The following PET117 variants were observed in gnomAD, a reference collection of about 807,000 sequenced individuals.
The protein encoded by PET117 is PET117 cytochrome c oxidase chaperone, also known as protein PET117 homolog, mitochondrial.
In PET117, 10 loss-of-function variants were observed where a neutral mutation model predicts 9.2. The observed-to-expected ratio is 1.09, with a 90% CI of 0.67 to 1.85. The LOEUF is 1.85. Among genes scored for constraint, PET117 ranks in the 40% most tolerant of loss-of-function variants. The probability of loss-of-function intolerance (pLI) is 0.00; values close to 1 mark genes in which losing one functional copy is unlikely to be tolerated. For synonymous variants in PET117, 43 were observed against 37.1 expected, an observed-to-expected ratio of 1.16 and a Z score of -0.57; for missense variants, 96 against 98.2, an observed-to-expected ratio of 0.98 and a Z score of 0.09.
chr20:18,138,207 C>T (rs1214366333), intron 1 of PET117, 156 bp downstream of exon 1: 8 of 1,265,200 alleles, frequency 6.3e-6, no homozygotes, highest in Middle Eastern at 2.3e-4. Flanking sequence ...CTGCGGCCGG[C>T]GGCCGCTCTG....
At position 18,142,884 on chromosome 20, in the gene PET117, A is replaced by C. The variant is rs1158486164; in HGVS notation, c.*527A>C. 2 of 1,614,178 alleles carry C rather than the reference A, an allele frequency of 1.2e-6. No individual in the cohort carries two copies. The highest frequency in any genetic ancestry group is 3.3e-5 in the Admixed American group (2 of 60,018). On this transcript the variant is annotated 3_prime_UTR_variant, in exon 2 of 2. Transcript: ENST00000432901. ...TCTTGGATGGAGGAGCAGCTGTCCT[A>C]CTTCTGTGACAAGTGCCAAAAATGG...
chr20:18,138,333 C>A, intron 1 of PET117: 1 of 1,124,332 alleles, frequency 8.9e-7, no homozygotes, highest in East Asian at 4.7e-5. Context: ...TTGCTCCGCA[C>A]AGGCACGGCA....
In PET117 at chr20:18,142,588, G is replaced by A. The variant is rs1237796871; in HGVS notation, c.*231G>A. The A allele has an allele frequency of 2.5e-6, 4 of 1,584,270 alleles. No homozygotes were observed. The highest frequency in any genetic ancestry group is 2.7e-5 in the African/African-American group (2 of 74,392). On this transcript the variant is annotated 3_prime_UTR_variant, in exon 2 of 2. Coordinates refer to ENST00000432901, the MANE Select transcript of PET117 (RefSeq NM_001164811.2). ...GTCTGTCTGGGTGATCCTGGTAGAA[G>A]CCCCATTAGGGTCACTGTCCAGTGC...
Position 18,137,880 on chromosome 20 carries a change from G to A in PET117, c.-76G>A. Reference sequence around the variant, plus strand: ...GAGGGGTCGAGCCTGGGCAGTACAGGCGGCGGTGCGCACTCTGCGGCGGCC... The same window carrying A: ...GAGGGGTCGAGCCTGGGCAGTACAGACGGCGGTGCGCACTCTGCGGCGGCC... On this transcript the variant is annotated 5_prime_UTR_variant, in exon 1 of 2. Coordinates refer to ENST00000432901, the MANE Select transcript of PET117 (RefSeq NM_001164811.2). 1 of 1,388,080 alleles carries A rather than the reference G, an allele frequency of 7.2e-7. No homozygotes were observed. The highest frequency in any genetic ancestry group is 3.0e-5 in the East Asian group (1 of 33,382). 86.0% of individuals were successfully genotyped at this position (1,388,080 alleles called of 1,614,324 possible).
At position 18,143,015 on chromosome 20, in the gene PET117, A is replaced by G. The variant is rs952003629; in HGVS notation, c.*658A>G. 7.4e-6 allele frequency: 11 copies of G among 1,482,204 alleles called. No individual in the cohort carries two copies. In the African/African-American group the frequency reaches 1.3e-4, roughly 17 times the overall value. 91.8% of individuals were successfully genotyped at this position (1,482,204 alleles called of 1,614,324 possible). A position where few individuals can be genotyped will look rare whatever the true frequency, so the allele number is the denominator to read the frequency against. ...AAACGTGAATGTAAAAGAGACCTAA[A>G]TAAAAGGATAATTATATTTATTCTC... On this transcript the variant is annotated 3_prime_UTR_variant, in exon 2 of 2. Transcript: ENST00000432901.
At chr20:18,142,114 A>G (rs2037609078) in intron 1 of PET117, 94 bp from the exon 2 acceptor site, 2 of 1,275,390 alleles carry the variant, frequency 1.6e-6, no homozygotes, top group Non-Finnish European at 2.1e-6. Flanking sequence ...AGTTTTAAGT[A>G]TATTTTGGTA....
intron 1 of PET117, 30 bp from the exon 2 acceptor site, chr20:18,142,178 G>A (rs974834930): frequency 1.8e-5 from 28 of 1,531,826 alleles, no homozygotes; most frequent in Non-Finnish European, 1.7e-5. Flanking sequence ...TGTTCGGGAT[G>A]TTACTGAAAT....
In PET117 at chr20:18,140,701, A is replaced by G. The variant is rs1239343267; in HGVS notation, c.97-1507A>G. ...GTGGCGCACGCCTGTAATCTCAGCT[A>G]CTGGGGAGGCTGAGGCACAAGAATC... On this transcript the variant is annotated intron_variant, in intron 1 of 1. Transcript: ENST00000432901. 2.6e-5 allele frequency among the ~76,000 whole-genome samples: 4 copies of G among 151,292 alleles called. No individual in the cohort carries two copies. In the East Asian group the frequency reaches 5.9e-4, roughly 22 times the overall value.
At chr20:18,140,601 G>GA (rs1210185788) in intron 1 of PET117, among the ~76,000 whole-genome samples, 1 of 151,908 alleles carries the variant, frequency 6.6e-6, no homozygotes, top group Admixed American at 6.6e-5. Context: ...TTTGAGGTCA[G>GA]GAGTTCGAGA....
intron 1 of PET117, among the ~76,000 whole-genome samples, chr20:18,140,294 G>A (rs190967034): frequency 1.1e-4 from 16 of 152,220 alleles, no homozygotes; most frequent in Non-Finnish European, 2.2e-4. Context: ...CTTGCCAAGG[G>A]TGCATGGTTC....
At chr20:18,142,065 C>T in intron 1 of PET117, 143 bp from the exon 2 acceptor site, 1 of 835,244 alleles carries the variant, frequency 1.2e-6, no homozygotes, top group Non-Finnish European at 1.7e-6. Flanking sequence ...TACATTTGTA[C>T]AGAAAATTAA....
intron 1 of PET117, among the ~76,000 whole-genome samples, chr20:18,141,051 T>G (rs113685877): frequency 0.19 from 20,423 of 109,298 alleles, 1,817 homozygotes; most frequent in Middle Eastern, 0.22. Context: ...TTTTTTATTT[T>G]TATTTTTGCT....
rs554112747 is a variant in PET117, at chr20:18,137,961, T to C, written c.6T>C (p.Ser2=). The change falls in exon 1 of 2, where the codon TCT becomes TCC. Residue 2 remains serine (S), a synonymous_variant. Transcript: ENST00000432901. ...CCGCGGCCGCCAGCGTGGGGATGTC[T>C]AGGAGCTCGAAGGTGGTGCTGGGCC... M[S]RSSKVVLGLS... The C allele has an allele frequency of 2.3e-4, 349 of 1,491,138 alleles. No homozygotes were observed. In the African/African-American group the frequency reaches 4.6e-3, roughly 20 times the overall value. The allele number at this position is 1,491,138 out of a possible 1,614,324, so 92.4% of individuals were successfully genotyped here.
chr20:18,137,919 C>T lies in PET117; in HGVS notation c.-37C>T. The T allele has an allele frequency of 1.4e-6, 2 of 1,462,818 alleles. No homozygotes were observed. Among genetic ancestry groups the T allele is most frequent in the Non-Finnish European group, 1.8e-6 (2 of 1,114,420 alleles). 90.6% of individuals were successfully genotyped at this position (1,462,818 alleles called of 1,614,324 possible). On this transcript the variant is annotated 5_prime_UTR_variant, in exon 1 of 2. Transcript: ENST00000432901. Reference sequence around the variant, plus strand: ...TCTGCGGCGGCCTCTGCGCCTCGGGCGGGCGGGAGAGAGAGGCCGCGGCCG... The same window carrying T: ...TCTGCGGCGGCCTCTGCGCCTCGGGTGGGCGGGAGAGAGAGGCCGCGGCCG...
Position 18,142,441 on chromosome 20 carries a change from T to C in PET117, c.*84T>C, listed in dbSNP as rs77389893. Reference sequence around the variant, plus strand: ...AGAGTAGCTTAGTAGTATCTTCATCTTTTTTTTTGGTCACTGTCCTTTTAA... The same window carrying C: ...AGAGTAGCTTAGTAGTATCTTCATCCTTTTTTTTGGTCACTGTCCTTTTAA... On this transcript the variant is annotated 3_prime_UTR_variant, in exon 2 of 2. Coordinates refer to ENST00000432901, the MANE Select transcript of PET117 (RefSeq NM_001164811.2). 2 of 284,600 alleles carry C rather than the reference T, an allele frequency of 7.0e-6. No homozygotes were observed. Among genetic ancestry groups the C allele is most frequent in the Non-Finnish European group, 8.7e-6 (2 of 228,874 alleles). The allele number at this position is 284,600 out of a possible 1,614,324, so 17.6% of individuals were successfully genotyped here. A position where few individuals can be genotyped will look rare whatever the true frequency, so the allele number is the denominator to read the frequency against.
chr20:18,140,236 CA>C (rs2037479574), intron 1 of PET117, among the ~76,000 whole-genome samples: 1 of 151,378 alleles, frequency 6.6e-6, no homozygotes, highest in Admixed American at 6.6e-5. Flanking sequence ...GGAAGACCTG[CA>C]GTTGGGGGAG....
chr20:18,141,032 T>TA (rs1568661457), intron 1 of PET117, among the ~76,000 whole-genome samples: 17 of 17,014 alleles, frequency 1.0e-3, no homozygotes, highest in African/African-American at 2.3e-3. Context: ...AATTTTTTTT[T>TA]TTTTTTTTTT....
Position 18,138,011 on chromosome 20 carries a change from C to G in PET117, c.56C>G (p.Thr19Arg), listed in dbSNP as rs1404379265. The change falls in exon 1 of 2, where the codon ACA becomes AGA. Residue 19 changes from threonine (T) to arginine (R), a missense_variant. By Grantham distance (71) the Thr-to-Arg change is moderately conservative. Coordinates refer to ENST00000432901, the MANE Select transcript of PET117 (RefSeq NM_001164811.2). ...CTCTCGGTGCTGCTGACGGCGGCCACAGTGGCCGGCGTACATGTGAAGCAG... is the reference window on the plus strand; with the variant it reads ...CTCTCGGTGCTGCTGACGGCGGCCAGAGTGGCCGGCGTACATGTGAAGCAG... ...LGLSVLLTAA[T>R]VAGVHVKQQW... 1.3e-6 allele frequency: 2 copies of G among 1,502,214 alleles called. No individual in the cohort carries two copies. Among genetic ancestry groups the G allele is most frequent in the Non-Finnish European group, 1.8e-6 (2 of 1,132,260 alleles). 93.1% of individuals were successfully genotyped at this position (1,502,214 alleles called of 1,614,324 possible).
At chr20:18,139,242 G>A (rs1246671136) in intron 1 of PET117, among the ~76,000 whole-genome samples, 1 of 152,170 alleles carries the variant, frequency 6.6e-6, no homozygotes, top group Non-Finnish European at 1.5e-5. Context: ...GCTCCTAAGG[G>A]GCTGGCTTTT....
Sources: gnomAD v4.1 joint callset for allele counts (sites outside exome capture counted in the v4.1 genomes callset) on GRCh38, gnomAD v4.1.1 for gene constraint, MANE v1.5 for transcripts, NCBI Gene and HGNC (gene_info 2026-07-23, HGNC 2026-07-21) for gene names.